The following KCNIP4 variants were observed in gnomAD, a reference collection of about 807,000 sequenced individuals.
The protein encoded by KCNIP4 is Kv channel-interacting protein 4.
Under a neutral mutation model 34.0 loss-of-function variants are expected in KCNIP4, and 12 were observed. The ratio of observed to expected loss-of-function variants is 0.35; its 90% CI spans 0.23 to 0.57. The LOEUF (loss-of-function observed/expected upper bound fraction) is 0.57, where lower values mean the gene tolerates loss of function less well. Ranked by LOEUF, KCNIP4 falls within the 20% of genes least tolerant of loss-of-function variation. The pLI is 0.83. For missense variants in KCNIP4, 238 were observed against 311.7 expected (o/e 0.76, Z 1.78); for synonymous variants, 124 against 102.2 (o/e 1.21, Z -1.29).
intron 1 of KCNIP4, among the ~76,000 whole-genome samples, chr4:21,412,594 A>G (rs1479301020): frequency 6.6e-6 from 1 of 152,188 alleles, no homozygotes; most frequent in Non-Finnish European, 1.5e-5. Context: ...AATTGCTTTT[A>G]TATGTGTATT....
chr4:21,881,294 T>C lies in KCNIP4; in HGVS notation c.61+67277A>G, dbSNP rs546665877. On this transcript the variant is annotated intron_variant, in intron 1 of 8. Transcript: ENST00000382152. The stretch of plus-strand genomic sequence containing the variant: ...ATGCAAATGAATAAACGTGCTATCA[T>C]AATAGGGTGAATGTAGAGAAGCCAG... 2.8e-4 allele frequency among the ~76,000 whole-genome samples: 42 copies of C among 152,284 alleles called. 1 individual carries two copies. In the South Asian group the frequency reaches 5.4e-3, roughly 20 times the overall value.
At chr4:21,379,550 T>C (rs1362568869) in intron 1 of KCNIP4, among the ~76,000 whole-genome samples, 1 of 152,212 alleles carries the variant, frequency 6.6e-6, no homozygotes, top group African/African-American at 2.4e-5. Flanking sequence ...TGAATGCCTG[T>C]AAATGAAATT....
chr4:20,861,041 G>A (rs751169665), intron 2 of KCNIP4, among the ~76,000 whole-genome samples: 2 of 152,090 alleles, frequency 1.3e-5, no homozygotes, highest in Admixed American at 6.6e-5. Flanking sequence ...GCTCAAAGAG[G>A]GTGGCATGAT....
rs113613645 is a variant in KCNIP4, at chr4:21,086,968, CCTCT to C, written c.62-204263_62-204260del. 3.1e-3 allele frequency among the ~76,000 whole-genome samples: 439 copies of C among 141,468 alleles called. 1 individual carries two copies. The highest frequency in any genetic ancestry group is 5.3e-3 in the Non-Finnish European group (351 of 66,124). The allele number at this position is 141,468 out of a possible 152,430, so 92.8% of individuals were successfully genotyped here. A position where few individuals can be genotyped will look rare whatever the true frequency, so the allele number is the denominator to read the frequency against. On this transcript the variant is annotated intron_variant, in intron 1 of 8. Transcript: ENST00000382152. Reference sequence around the variant, plus strand: ...CTCCCTCCCTCCCTTCCTTTTCCTTCCTCTCTCTCTCTCTTTCTTTCTTTTTTTT... The same window carrying C: ...CTCCCTCCCTCCCTTCCTTTTCCTTCCTCTCTCTCTTTCTTTCTTTTTTTT...
intron 1 of KCNIP4, among the ~76,000 whole-genome samples, chr4:21,404,752 GA>G (rs34903870): frequency 0.024 from 3,677 of 152,186 alleles, 188 homozygotes; most frequent in East Asian, 0.19. Flanking sequence ...ATTTTAGTGA[GA>G]AAAAAATTCT....
At chr4:21,190,507 G>A (rs1193117266) in intron 1 of KCNIP4, among the ~76,000 whole-genome samples, 5 of 116,678 alleles carry the variant, frequency 4.3e-5, no homozygotes, top group South Asian at 2.3e-4. Flanking sequence ...GCGAGTGGGT[G>A]GGGGGGGGCA....
intron 1 of KCNIP4, among the ~76,000 whole-genome samples, chr4:21,600,082 T>C (rs1161430646): frequency 6.6e-6 from 1 of 152,112 alleles, no homozygotes; most frequent in African/African-American, 2.4e-5. Context: ...TCTTTCTTCA[T>C]TCCCTTACTC....
At chr4:21,537,290 T>C (rs1737257925) in intron 1 of KCNIP4, among the ~76,000 whole-genome samples, 1 of 152,180 alleles carries the variant, frequency 6.6e-6, no homozygotes, top group African/African-American at 2.4e-5. Context: ...AGTACAAGCA[T>C]ACTGTTGAGG....
At chr4:21,757,921 G>A (rs1044132233) in intron 1 of KCNIP4, among the ~76,000 whole-genome samples, 1 of 152,170 alleles carries the variant, frequency 6.6e-6, no homozygotes, top group Non-Finnish European at 1.5e-5. Context: ...ACATGCGTTG[G>A]TGTGTGACTC....
rs76005417 is a variant in KCNIP4 at position 21,315,897 on chromosome 4, T to C, written c.62-433188A>G. ...TTTTGCAGAATGAAATCCGAAGTCA[T>C]GGCAAGGCATTCAAAACCCCTACCA... On this transcript the variant is annotated intron_variant, in intron 1 of 8. Transcript: ENST00000382152. Among the ~76,000 whole-genome samples, 304 of 152,292 alleles carry C rather than the reference T, an allele frequency of 2.0e-3. 4 individuals carry two copies. Among genetic ancestry groups the C allele is most frequent in the Admixed American group, 8.0e-3 (123 of 15,286 alleles).
intron 1 of KCNIP4, among the ~76,000 whole-genome samples, chr4:21,924,043 G>A (rs1205765042): frequency 6.6e-6 from 1 of 152,086 alleles, no homozygotes; most frequent in African/African-American, 2.4e-5. Flanking sequence ...CTTCTACAAT[G>A]CAAATCCTTT....
Position 21,893,881 on chromosome 4 carries a change from T to C in KCNIP4, c.61+54690A>G, listed in dbSNP as rs150357982. 2.3e-3 allele frequency among the ~76,000 whole-genome samples: 357 copies of C among 152,298 alleles called. 3 individuals carry two copies. The highest frequency in any genetic ancestry group is 8.2e-3 in the African/African-American group (342 of 41,580). On this transcript the variant is annotated intron_variant, in intron 1 of 8. Coordinates refer to ENST00000382152, the MANE Select transcript of KCNIP4 (RefSeq NM_025221.6). The stretch of plus-strand genomic sequence containing the variant: ...GAACTGAATTTTCAGTGCTGCTGTG[T>C]GCATATTAAATGTTTCCCTTACTTC...
Position 21,526,003 on chromosome 4 carries a change from C to A in KCNIP4, c.61+422568G>T, listed in dbSNP as rs183985567. 7.2e-5 allele frequency among the ~76,000 whole-genome samples: 11 copies of A among 151,988 alleles called. No individual in the cohort carries two copies. In the East Asian group the frequency reaches 2.1e-3, roughly 29 times the overall value. On this transcript the variant is annotated intron_variant, in intron 1 of 8. Coordinates refer to ENST00000382152, the MANE Select transcript of KCNIP4 (RefSeq NM_025221.6). Reference sequence around the variant, plus strand: ...AAAAACATTATCCAATTTTTTTTAACTGGAAGTTTTCTTCGATGAATGAAT... The same window carrying A: ...AAAAACATTATCCAATTTTTTTTAAATGGAAGTTTTCTTCGATGAATGAAT...
intron 1 of KCNIP4, among the ~76,000 whole-genome samples, chr4:21,351,760 G>A (rs1718023284): frequency 6.6e-6 from 1 of 152,124 alleles, no homozygotes; most frequent in South Asian, 2.1e-4. Context: ...AAGACAATAT[G>A]AGATTATGAC....
intron 1 of KCNIP4, among the ~76,000 whole-genome samples, chr4:21,248,533 T>A (rs1052627556): frequency 2.0e-5 from 3 of 152,148 alleles, no homozygotes; most frequent in African/African-American, 7.2e-5. Context: ...AATGCTGCAT[T>A]TTTTTCAGCC....
At chr4:21,667,538 A>C (rs1749087661) in intron 1 of KCNIP4, among the ~76,000 whole-genome samples, 1 of 152,188 alleles carries the variant, frequency 6.6e-6, no homozygotes, top group Non-Finnish European at 1.5e-5. Context: ...GATTCCACTC[A>C]AACAGTTTGT....
chr4:21,236,645 G>C (rs1376747842), intron 1 of KCNIP4, among the ~76,000 whole-genome samples: 1 of 152,054 alleles, frequency 6.6e-6, no homozygotes, highest in Non-Finnish European at 1.5e-5. Flanking sequence ...ATCAGAAATT[G>C]ACACAATTTT....
intron 1 of KCNIP4, among the ~76,000 whole-genome samples, chr4:20,927,139 T>C (rs193233650): frequency 6.6e-6 from 1 of 152,146 alleles, no homozygotes; most frequent in Non-Finnish European, 1.5e-5. Context: ...TCACCACACC[T>C]GGCTAATTTT....
intron 1 of KCNIP4, among the ~76,000 whole-genome samples, chr4:21,364,886 G>A (rs891117298): frequency 6.6e-6 from 1 of 152,144 alleles, no homozygotes; most frequent in Admixed American, 6.5e-5. Context: ...GGACTTCGAT[G>A]GTTGGGGTCC....
Sources: gnomAD v4.1 joint callset for allele counts (sites outside exome capture counted in the v4.1 genomes callset) on GRCh38, gnomAD v4.1.1 for gene constraint, MANE v1.5 for transcripts, NCBI Gene and HGNC (gene_info 2026-07-23, HGNC 2026-07-21) for gene names.